Variants in SGSM3 observed in about 807,000 individuals in gnomAD.
SGSM3 encodes RUN and SH3 containing 3.
SGSM3 carries 96 observed loss-of-function variants against 100.5 expected under a neutral mutation model. That is an observed-to-expected ratio of 0.96 (90% CI 0.81 to 1.13). The LOEUF (loss-of-function observed/expected upper bound fraction) is 1.13. Among genes scored for constraint, SGSM3 ranks in the 50% most tolerant of loss-of-function variants. The pLI is 0.00. For synonymous variants in SGSM3, 483 were observed against 422.8 expected (o/e 1.14, Z -1.75); for missense variants, 1,001 against 1,015.8 (o/e 0.99, Z 0.20).
chr22:40,406,579 A>G lies in SGSM3; in HGVS notation c.1102A>G (p.Thr368Ala), dbSNP rs774684613. ...CTCCCTCACCGATGTGGCCGTGGAG[A>G]CTCAGCGCCGCAAGCACCTGGCCTA... is the stretch of plus-strand genomic sequence containing the variant. ...AGSLTDVAVETQRRKHLAYLI... is the reference protein window; with the variant it reads ...AGSLTDVAVEAQRRKHLAYLI... Residue 368 changes from threonine (T) to alanine (A), a missense_variant, in exon 10 of 22, where the codon ACT (threonine) becomes GCT (alanine). Thr to Ala is a moderately conservative substitution (Grantham distance 58). Coordinates refer to ENST00000248929, the MANE Select transcript of SGSM3 (RefSeq NM_015705.6). 2.5e-6 allele frequency: 4 copies of G among 1,612,548 alleles called. No homozygotes were observed. The highest frequency in any genetic ancestry group is 1.1e-5 in the South Asian group (1 of 91,020).
At chr22:40,391,228 G>A (rs1356014507) in intron 1 of SGSM3, among the ~76,000 whole-genome samples, 1 of 152,212 alleles carries the variant, frequency 6.6e-6, no homozygotes, top group Non-Finnish European at 1.5e-5. Flanking sequence ...ACTCACACCT[G>A]CTGAGTCAGA....
chr22:40,405,040 A>C (rs1031470988), intron 6 of SGSM3, 101 bp from the exon 7 acceptor site: 1 of 1,418,288 alleles, frequency 7.1e-7, no homozygotes, highest in Non-Finnish European at 9.3e-7. Context: ...TCAGGAACAC[A>C]AGGAATCCCC....
chr22:40,396,091 A>G (rs955222478), intron 1 of SGSM3, among the ~76,000 whole-genome samples: 2 of 152,152 alleles, frequency 1.3e-5, no homozygotes, highest in Non-Finnish European at 1.5e-5. Flanking sequence ...AAAAATGTTC[A>G]TGTTTCTTTG....
At chr22:40,375,798 G>A (rs2046453060) in intron 1 of SGSM3, among the ~76,000 whole-genome samples, 1 of 152,016 alleles carries the variant, frequency 6.6e-6, no homozygotes. Flanking sequence ...AGCACTTTGG[G>A]AGGCTGAGGT....
intron 1 of SGSM3, among the ~76,000 whole-genome samples, chr22:40,375,346 G>A (rs942400702): frequency 6.6e-6 from 1 of 152,158 alleles, no homozygotes; most frequent in East Asian, 1.9e-4. Context: ...TTGGGAGGCC[G>A]AGGTAGGCGG....
intron 2 of SGSM3, 132 bp from the exon 3 acceptor site, chr22:40,401,461 G>C (rs976751191): frequency 4.8e-6 from 3 of 622,754 alleles, no homozygotes; most frequent in Admixed American, 3.9e-5. Context: ...GGCCAGGCTG[G>C]TCTCAAACTC....
chr22:40,372,395 G>GATT (rs2045760616), intron 1 of SGSM3, among the ~76,000 whole-genome samples: 1 of 152,130 alleles, frequency 6.6e-6, no homozygotes. Flanking sequence ...AAAGTGCTGG[G>GATT]ATTACAGGCG....
Position 40,407,547 on chromosome 22 carries a change from C to T in SGSM3, c.1503C>T (p.Phe501=), listed in dbSNP as rs1374756517. Residue 501 remains phenylalanine, a synonymous_variant, in exon 13 of 22, where the codon TTC becomes TTT. Transcript: ENST00000248929. This position sits in a 1 kb window ranked among gnomAD's most constrained non-coding sequence, Gnocchi z 4.7. ...FERHDDDELG[F]RKNDIITIVS... Reference sequence around the variant, plus strand: ...GGCACGACGACGACGAGCTGGGCTTCCGCAAGAACGACATCATCACAGTGC... The same window carrying T: ...GGCACGACGACGACGAGCTGGGCTTTCGCAAGAACGACATCATCACAGTGC... The T allele has an allele frequency of 6.2e-7, 1 of 1,604,530 alleles. No individual in the cohort carries two copies.
rs1323455555 is a variant in SGSM3, at chr22:40,407,852, C to T, written c.1579+9C>T. On this transcript the variant is annotated intron_variant, in intron 14 of 21. Transcript: ENST00000248929. The surrounding 1 kb of genome is among the most constrained non-coding windows in gnomAD (Gnocchi z 4.7). ...GCTCAACGGCCTGCGAGGTGGGGTC[C>T]TTGGTCTGCTCTTGAGCTGGGAGAG... is the stretch of plus-strand genomic sequence containing the variant. The T allele has an allele frequency of 6.2e-7, 1 of 1,607,950 alleles. No homozygotes were observed. Among genetic ancestry groups the T allele is most frequent in the African/African-American group, 1.3e-5 (1 of 74,800 alleles).
At position 40,406,535 on chromosome 22, in the gene SGSM3, T is replaced by G. The variant is rs2051551213; in HGVS notation, c.1058T>G (p.Val353Gly). ...GAGGACGCGGAGCTGCTTCTGGGGG[T>G]GGCCATGCGGCTGGCCGGCTCCCTC... ...QMEDAELLLG[V>G]AMRLAGSLTD... Residue 353 changes from valine (V) to glycine (G), a missense_variant, in exon 10 of 22, where the codon GTG (valine) becomes GGG (glycine). By Grantham distance (109) the Val-to-Gly change is moderately radical (BLOSUM62 -3). Transcript: ENST00000248929. The G allele has an allele frequency of 6.2e-7, 1 of 1,613,016 alleles. No homozygotes were observed. Among genetic ancestry groups the G allele is most frequent in the Non-Finnish European group, 8.5e-7 (1 of 1,179,892 alleles).
intron 1 of SGSM3, among the ~76,000 whole-genome samples, chr22:40,374,099 C>A (rs1186932918): frequency 1.3e-5 from 2 of 152,020 alleles, no homozygotes; most frequent in African/African-American, 4.8e-5. Context: ...ACTACAGGCG[C>A]CTGCCACCAT....
chr22:40,409,450 C>G lies in SGSM3; in HGVS notation c.2112-15C>G. The G allele has an allele frequency of 6.4e-7, 1 of 1,567,548 alleles. No homozygotes were observed. The highest frequency in any genetic ancestry group is 8.7e-7 in the Non-Finnish European group (1 of 1,154,564). ...GGGGGTGACAAGAGCCTTACCACCC[C>G]TTCCTCACCTCTAGAGTCCTCTGCT... is the stretch of plus-strand genomic sequence containing the variant. On this transcript the variant is annotated splice_polypyrimidine_tract_variant and intron_variant, in intron 20 of 21. Transcript: ENST00000248929.
chr22:40,393,970 CCACAA>C (rs1438709315), intron 1 of SGSM3, among the ~76,000 whole-genome samples: 2 of 152,200 alleles, frequency 1.3e-5, no homozygotes, highest in African/African-American at 4.8e-5. Flanking sequence ...CTGTTGGTTT[CCACAA>C]CACAACACAC....
intron 1 of SGSM3, among the ~76,000 whole-genome samples, chr22:40,378,948 C>T (rs2047104913): frequency 6.6e-6 from 1 of 152,074 alleles, no homozygotes; most frequent in Non-Finnish European, 1.5e-5. Context: ...CTCTTTGTTT[C>T]GGACCTCTGC....
intron 6 of SGSM3, 80 bp from the exon 7 acceptor site, chr22:40,405,061 G>GCCTCCCTCCC: frequency 6.9e-7 from 1 of 1,440,750 alleles, no homozygotes; most frequent in Non-Finnish European, 9.2e-7. Flanking sequence ...ATTTCTGGGG[G>GCCTCCCTCCC]AGAAGCCCGC....
In SGSM3 at chr22:40,406,092, A is replaced by G; in HGVS notation, c.829A>G (p.Thr277Ala). ...QEHDIELSLI[T>A]LHWFLTAFAS... ...TGTGTTTACAGAGCTGTCCCTGATC[A>G]CACTGCACTGGTTCCTCACGGCCTT... The change falls in exon 9 of 22, where the codon ACA becomes GCA. Residue 277 changes from threonine to alanine, a missense_variant. Transcript: ENST00000248929. 2.5e-6 allele frequency: 4 copies of G among 1,613,938 alleles called. No homozygotes were observed. Among genetic ancestry groups the G allele is most frequent in the African/African-American group, 2.7e-5 (2 of 75,040 alleles).
intron 1 of SGSM3, among the ~76,000 whole-genome samples, chr22:40,383,507 G>A (rs970616254): frequency 3.3e-5 from 5 of 151,476 alleles, no homozygotes; most frequent in Non-Finnish European, 5.9e-5. Flanking sequence ...AGTAAATGTT[G>A]AGAGGAAGTA....
intron 1 of SGSM3, among the ~76,000 whole-genome samples, chr22:40,394,269 C>T (rs2049754760): frequency 6.6e-6 from 1 of 152,220 alleles, no homozygotes; most frequent in African/African-American, 2.4e-5. Flanking sequence ...AAGCAGAACT[C>T]TTGATTTCTA....
In SGSM3 at chr22:40,406,286, GAGACCTCCCTGGGCCAGGCA is replaced by G. The variant is rs549936508; in HGVS notation, c.960+69_960+88del. ...CCCGAGATGGGGGGCAGGGGAGCAA[GAGACCTCCCTGGGCCAGGCA>G]AGACCAGCCCCCTGGCCCCTGACAA... On this transcript the variant is annotated intron_variant, in intron 9 of 21. Transcript: ENST00000248929. 22 of 1,600,372 alleles carry G rather than the reference GAGACCTCCCTGGGCCAGGCA, an allele frequency of 1.4e-5. No homozygotes were observed. The East Asian group carries it at 4.5e-4, about 33-fold the overall frequency.
Sources: gnomAD v4.1 joint callset for allele counts (sites outside exome capture counted in the v4.1 genomes callset) on GRCh38, gnomAD v4.1.1 for gene constraint, Gnocchi (gnomAD v3.1) non-coding constraint, MANE v1.5 for transcripts, NCBI Gene and HGNC (gene_info 2026-07-23, HGNC 2026-07-21) for gene names.